Variants in CAPN3 observed in about 807,000 individuals in gnomAD.
CAPN3 encodes the protein calpain-3.
A neutral mutation model predicts 114.0 loss-of-function variants in CAPN3; 88 were observed. The observed-to-expected ratio is 0.77, with a 90% CI of 0.65 to 0.92. The LOEUF (loss-of-function observed/expected upper bound fraction) is 0.92. CAPN3 is among the 40% of genes least tolerant of loss of function. CAPN3 has a pLI of 0.00. For missense variants in CAPN3, 1,028 were observed against 1,069.0 expected, an observed-to-expected ratio of 0.96 and a Z score of 0.53; for synonymous variants, 386 against 382.9, an observed-to-expected ratio of 1.01 and a Z score of -0.09.
intron 7 of CAPN3, among the ~76,000 whole-genome samples, chr15:42,393,966 C>A (rs1324631966): frequency 6.6e-6 from 1 of 152,038 alleles, no homozygotes; most frequent in Non-Finnish European, 1.5e-5. Flanking sequence ...CTGTTTATGC[C>A]TCACCTCCTC....
chr15:42,390,067 C>T lies in CAPN3; in HGVS notation c.916C>T (p.Pro306Ser). The change falls in exon 6 of 24, where the codon CCC (proline) becomes TCC (serine). Residue 306 changes from proline (P) to serine (S), a missense_variant. Transcript: ENST00000397163. ...NSLLQDSDLD[P>S]RGSDERPTRT... ...ACTGCTCCAGGACTCAGACCTCGAC[C>T]CCAGAGGCTCAGATGAAAGACCGAC... 6.2e-7 allele frequency: 1 copy of T among 1,614,064 alleles called. No homozygotes were observed. The highest frequency in any genetic ancestry group is 8.5e-7 in the Non-Finnish European group (1 of 1,180,014).
At chr15:42,411,693 G>GGA (rs1269853000) in intron 23 of CAPN3, 54 bp from the exon 24 acceptor site, 2 of 708,860 alleles carry the variant, frequency 2.8e-6, no homozygotes, top group South Asian at 1.5e-5. Context: ...TAGGGCGGGG[G>GGA]GGGGGGGGGT....
intron 14 of CAPN3, chr15:42,404,154 C>T (rs1408192358): frequency 6.5e-6 from 3 of 462,532 alleles, no homozygotes; most frequent in Non-Finnish European, 8.7e-6. Flanking sequence ...TGGTGCCGGA[C>T]CTGGTGTTGA....
intron 14 of CAPN3, chr15:42,404,813 A>C: frequency 9.3e-7 from 1 of 1,076,848 alleles, no homozygotes; most frequent in Non-Finnish European, 1.1e-6. Flanking sequence ...CCAGGTCTCC[A>C]AGTGCCTTCT....
rs147193629 is a variant in CAPN3 at position 42,404,578 on chromosome 15, C to T, written c.1782+801C>T. Among the ~76,000 whole-genome samples, 1,108 of 152,340 alleles carry T rather than the reference C, an allele frequency of 7.3e-3. 17 individuals are homozygous for T. Among genetic ancestry groups the T allele is most frequent in the African/African-American group, 0.026 (1,064 of 41,578 alleles). On this transcript the variant is annotated intron_variant, in intron 14 of 23. Coordinates refer to ENST00000397163, the MANE Select transcript of CAPN3 (RefSeq NM_000070.3). ...GTTTTTCCGCACCTCCACGCTGAGG[C>T]CAGCCCCAGGCAGTGAGAAGCCCAA...
intron 1 of CAPN3, among the ~76,000 whole-genome samples, chr15:42,379,973 G>A (rs531320606): frequency 9.3e-4 from 142 of 152,252 alleles, no homozygotes; most frequent in African/African-American, 3.1e-3. Flanking sequence ...AAAATTAGCC[G>A]AGCATGATGG....
chr15:42,402,668 G>A, intron 12 of CAPN3, 126 bp from the exon 13 acceptor site: 4 of 1,556,600 alleles, frequency 2.6e-6, no homozygotes, highest in Non-Finnish European at 3.5e-6. Context: ...GGAGTCGGAA[G>A]TAGGGAGGTT....
At chr15:42,405,555 G>A (rs767211452) in intron 14 of CAPN3, among the ~76,000 whole-genome samples, 30 of 152,010 alleles carry the variant, frequency 2.0e-4, no homozygotes, top group Non-Finnish European at 2.9e-4. Context: ...CAGATAATCC[G>A]CCCACCTCAG....
At chr15:42,383,187 A>G (rs1259679484) in intron 1 of CAPN3, among the ~76,000 whole-genome samples, 3 of 152,158 alleles carry the variant, frequency 2.0e-5, no homozygotes, top group African/African-American at 7.2e-5. Flanking sequence ...TCACTTGGGT[A>G]TATTGGGTTG....
At chr15:42,386,897 G>A (rs955364877) in intron 3 of CAPN3, among the ~76,000 whole-genome samples, 1 of 152,114 alleles carries the variant, frequency 6.6e-6, no homozygotes, top group South Asian at 2.1e-4. Context: ...TGAGGGTCTC[G>A]TAGCTTCCGG....
At chr15:42,380,338 T>C (rs1211061905) in intron 1 of CAPN3, among the ~76,000 whole-genome samples, 1 of 148,526 alleles carries the variant, frequency 6.7e-6, no homozygotes. Context: ...TATTTTATCC[T>C]ATTTTATCCT....
chr15:42,382,464 G>T (rs2053276531), intron 1 of CAPN3, among the ~76,000 whole-genome samples: 1 of 152,090 alleles, frequency 6.6e-6, no homozygotes, highest in African/African-American at 2.4e-5. Flanking sequence ...TGCCTCCCAG[G>T]TTCAAGCGAT....
At chr15:42,382,379 G>GT (rs1450718085) in intron 1 of CAPN3, among the ~76,000 whole-genome samples, 3 of 151,564 alleles carry the variant, frequency 2.0e-5, no homozygotes, top group African/African-American at 4.8e-5. Context: ...TTTTGTTTTT[G>GT]TTTTTTTGAG....
At chr15:42,377,040 A>AC (rs1436323419) in intron 1 of CAPN3, among the ~76,000 whole-genome samples, 7 of 152,196 alleles carry the variant, frequency 4.6e-5, no homozygotes, top group Non-Finnish European at 4.4e-5. Flanking sequence ...AGCTATACTC[A>AC]CTTATTAGTT....
chr15:42,395,733 G>A (rs1024073830), intron 8 of CAPN3, among the ~76,000 whole-genome samples: 6 of 152,168 alleles, frequency 3.9e-5, no homozygotes, highest in Non-Finnish European at 7.3e-5. Context: ...TGGACCCAAC[G>A]CTGTTCACTC....
rs767398783 is a variant in CAPN3 at position 42,401,668 on chromosome 15, G to A, written c.1382G>A (p.Arg461His). 26 of 1,613,988 alleles carry A rather than the reference G, an allele frequency of 1.6e-5. No homozygotes were observed. Among genetic ancestry groups the A allele is most frequent in the Middle Eastern group, 1.6e-4 (1 of 6,084 alleles). ...ACTTTCTGGACCAACCCTCAGTACC[G>A]TCTGAAGCTCCTGGAGGAGGACGAT... ...PDTFWTNPQY[R>H]LKLLEEDDDP... The change falls in exon 11 of 24, where the codon CGT becomes CAT. Residue 461 changes from arginine (R) to histidine (H), a missense_variant. By Grantham distance (29) the Arg-to-His change is conservative. Coordinates refer to ENST00000397163, the MANE Select transcript of CAPN3 (RefSeq NM_000070.3).
intron 2 of CAPN3, chr15:42,385,569 A>T (rs2053378445): frequency 2.1e-6 from 1 of 465,520 alleles, no homozygotes; most frequent in Non-Finnish European, 4.3e-6. Flanking sequence ...GAAAGAGAGC[A>T]AAGTGTTACC....
At chr15:42,386,977 G>T (rs2053423120) in intron 3 of CAPN3, among the ~76,000 whole-genome samples, 2 of 152,124 alleles carry the variant, frequency 1.3e-5, no homozygotes, top group Admixed American at 6.5e-5. Context: ...CACATTATCA[G>T]TTCTTGCTCC....
At chr15:42,402,002 T>C in intron 11 of CAPN3, 122 bp from the exon 12 acceptor site, 1 of 1,405,230 alleles carries the variant, frequency 7.1e-7, no homozygotes, top group Non-Finnish European at 1.0e-6. Flanking sequence ...GGAGCGGGCC[T>C]GGCAGAACAG....
Sources: gnomAD v4.1 joint callset for allele counts (sites outside exome capture counted in the v4.1 genomes callset) on GRCh38, gnomAD v4.1.1 for gene constraint, MANE v1.5 for transcripts, NCBI Gene and HGNC (gene_info 2026-07-23, HGNC 2026-07-21) for gene names.